Variants in PER2 observed in about 807,000 individuals in gnomAD.
PER2 encodes the protein period circadian protein homolog 2.
A neutral mutation model predicts 121.0 loss-of-function variants in PER2; 66 were observed. That is an observed-to-expected ratio of 0.55 (90% CI 0.45 to 0.67). The LOEUF (loss-of-function observed/expected upper bound fraction) is 0.67, where lower values mean the gene tolerates loss of function less well. Among genes scored for constraint, PER2 ranks in the 30% least tolerant of loss-of-function variants. PER2 has a pLI of 0.00. For missense variants in PER2, 1,521 were observed against 1,635.0 expected (o/e 0.93, Z 1.20); for synonymous variants, 684 against 659.9 (o/e 1.04, Z -0.56).
intron 6 of PER2, among the ~76,000 whole-genome samples, chr2:238,269,440 G>A (rs1033372631): frequency 8.9e-5 from 12 of 135,388 alleles, no homozygotes; most frequent in Non-Finnish European, 1.6e-4. Context: ...CACACTCACG[G>A]TGCACTGCTG....
upstream of PER2, among the ~76,000 whole-genome samples, chr2:238,290,696 A>G (rs1055756654): frequency 1.3e-5 from 2 of 152,014 alleles, no homozygotes; most frequent in African/African-American, 4.8e-5. Flanking sequence ...ATTTGTGTAC[A>G]CTCCACAAAT....
intron 9 of PER2, among the ~76,000 whole-genome samples, chr2:238,264,323 T>A (rs1028485100): frequency 9.9e-5 from 15 of 152,224 alleles, no homozygotes; most frequent in Non-Finnish European, 4.4e-5. Flanking sequence ...TCCAGAAGCC[T>A]GCATCTGCAA....
upstream of PER2, among the ~76,000 whole-genome samples, chr2:238,292,621 A>G (rs1696966990): frequency 6.6e-6 from 1 of 152,064 alleles, no homozygotes; most frequent in Non-Finnish European, 1.5e-5. Flanking sequence ...TTGTTTTTTT[A>G]TAAATGTCCA....
At chr2:238,255,589 A>G (rs1262472268) in intron 18 of PER2, 68 bp downstream of exon 18, 15 of 1,487,288 alleles carry the variant, frequency 1.0e-5, no homozygotes, top group African/African-American at 1.4e-5. Flanking sequence ...TTTTGAAACC[A>G]GCACTGGACT....
chr2:238,261,524 T>G (rs1695931345), intron 12 of PER2: 2 of 615,884 alleles, frequency 3.2e-6, no homozygotes, highest in Non-Finnish European at 5.9e-6. Context: ...CAAGGTCGAA[T>G]GCAAGGCTGG....
At position 238,252,996 on chromosome 2, in the gene PER2, G is replaced by T. The variant is rs765415254; in HGVS notation, c.3027C>A (p.Thr1009=). The T allele has an allele frequency of 4.3e-6, 7 of 1,614,002 alleles. No homozygotes were observed. The East Asian group carries it at 1.6e-4, about 36-fold the overall frequency. The change falls in exon 19 of 23, where the codon ACC becomes ACA. Residue 1009 remains threonine (T), a synonymous_variant. Transcript: ENST00000254657. The surrounding 1 kb of genome is among the most constrained non-coding windows in gnomAD (Gnocchi z 4.2). ...APEGGTGAMG[T]TGATETAAVG... ...CAGCTGCTGTCTCTGTGGCCCCTGT[G>T]GTCCCCATGGCTCCAGTGCCACCCT...
intron 12 of PER2, 53 bp downstream of exon 12, chr2:238,261,676 A>G: frequency 8.7e-7 from 1 of 1,149,814 alleles, no homozygotes; most frequent in Non-Finnish European, 1.3e-6. Context: ...TGTCCTCTGC[A>G]GGGGGCTCTC....
chr2:238,277,566 G>T, intron 2 of PER2, 141 bp downstream of exon 2: 1 of 999,454 alleles, frequency 1.0e-6, no homozygotes, highest in Non-Finnish European at 1.5e-6. Context: ...ACAGACACTG[G>T]CACATTTTAG....
chr2:238,257,037 G>A lies in PER2; in HGVS notation c.1950C>T (p.His650=). The A allele has an allele frequency of 6.2e-7, 1 of 1,613,450 alleles. No individual in the cohort carries two copies. Residue 650 remains histidine (H), a synonymous_variant, in exon 17 of 23, where the codon CAC becomes CAT. Transcript: ENST00000254657. ...TGCCCGGCAGTGCCAGCGAGGTCAG[G>A]TGCGTACCTACTCCCGTGCGGCTGT... ...RVNSRTGVGT[H]LTSLALPGKA... is the part of the protein sequence containing the mutation.
intron 16 of PER2, among the ~76,000 whole-genome samples, chr2:238,257,767 C>T (rs1189722443): frequency 1.3e-5 from 2 of 152,254 alleles, no homozygotes; most frequent in Non-Finnish European, 2.9e-5. Context: ...AGCCACCGCG[C>T]CCAGCCGGGG....
At chr2:238,292,955 C>T (rs1459546167), upstream of PER2, among the ~76,000 whole-genome samples, 3 of 151,504 alleles carry the variant, frequency 2.0e-5, no homozygotes, top group African/African-American at 4.8e-5. Context: ...TCAGGCTGGT[C>T]TCGAACTCCT....
intron 10 of PER2, 95 bp downstream of exon 10, chr2:238,262,857 G>C (rs776828827): frequency 5.9e-6 from 5 of 843,682 alleles, no homozygotes; most frequent in Non-Finnish European, 1.0e-5. Flanking sequence ...TAGCTGATCT[G>C]ACCTGTCAGA....
In PER2 at chr2:238,246,462, A is replaced by G; in HGVS notation, c.3681T>C (p.Ile1227=). The change falls in exon 23 of 23, where the codon ATT becomes ATC. Residue 1227 remains isoleucine (I), a synonymous_variant. Transcript: ENST00000254657. ...ACACTTCGCTGAGTCCCAGAGAAGGAATATCTTCCTCATATGGTATGCAAA... is the reference window on the plus strand; with the variant it reads ...ACACTTCGCTGAGTCCCAGAGAAGGGATATCTTCCTCATATGGTATGCAAA... ...GNICIPYEED[I]PSLGLSEVSD... The G allele has an allele frequency of 1.3e-6, 2 of 1,594,912 alleles. No homozygotes were observed. Among genetic ancestry groups the G allele is most frequent in the South Asian group, 1.1e-5 (1 of 90,642 alleles).
intron 1 of PER2, among the ~76,000 whole-genome samples, chr2:238,282,509 A>C (rs1286864876): frequency 6.6e-6 from 1 of 152,174 alleles, no homozygotes; most frequent in Non-Finnish European, 1.5e-5. Context: ...AATACTATAC[A>C]CCCACTAAAA....
At chr2:238,260,604 T>C (rs919424014) in intron 13 of PER2, among the ~76,000 whole-genome samples, 1 of 152,248 alleles carries the variant, frequency 6.6e-6, no homozygotes, top group African/African-American at 2.4e-5. Flanking sequence ...TTGCTTGTTT[T>C]GTCTGTTTTA....
Position 238,246,306 on chromosome 2 carries a change from A to C in PER2, c.*69T>G. ...TCCATTTCAGTGGAAACAGCCATGA[A>C]GATCTTTCATCTCTTCCAAGCACCA... On this transcript the variant is annotated 3_prime_UTR_variant, in exon 23 of 23. Transcript: ENST00000254657. 8.4e-7 allele frequency: 1 copy of C among 1,184,450 alleles called. No individual in the cohort carries two copies. The highest frequency in any genetic ancestry group is 1.2e-6 in the Non-Finnish European group (1 of 846,622). The allele number at this position is 1,184,450 out of a possible 1,614,324, so 73.4% of individuals were successfully genotyped here. A position where few individuals can be genotyped will look rare whatever the true frequency, so the allele number is the denominator to read the frequency against.
intron 21 of PER2, 125 bp from the exon 22 acceptor site, chr2:238,249,337 T>C (rs1480933220): frequency 1.0e-6 from 1 of 997,614 alleles, no homozygotes; most frequent in East Asian, 2.6e-5. Context: ...TTTAAAAAAA[T>C]TTTCATTTAA....
intron 10 of PER2, 73 bp downstream of exon 10, chr2:238,262,879 C>T (rs1183809707): frequency 1.2e-5 from 12 of 1,035,490 alleles, no homozygotes; most frequent in Non-Finnish European, 1.8e-5. Flanking sequence ...CTAGACTGGT[C>T]CCAAGAAGCA....
At position 238,252,524 on chromosome 2, in the gene PER2, C is replaced by T. The variant is rs534455473; in HGVS notation, c.3111+388G>A. Among the ~76,000 whole-genome samples, 5 of 152,258 alleles carry T rather than the reference C, an allele frequency of 3.3e-5. No homozygotes were observed. Among genetic ancestry groups the T allele is most frequent in the African/African-American group, 4.8e-5 (2 of 41,458 alleles). ...GTGTCCCCCTCCTTCTCCGCCTTCA[C>T]CGGGGCCACCTGAGCCAGGCTCCGG... On this transcript the variant is annotated intron_variant, in intron 19 of 22. Transcript: ENST00000254657. The surrounding 1 kb of genome is among the most constrained non-coding windows in gnomAD (Gnocchi z 4.2).
Sources: allele counts gnomAD v4.1 joint callset (sites outside exome capture counted in the v4.1 genomes callset), GRCh38; gene constraint gnomAD v4.1.1; non-coding constraint Gnocchi (gnomAD v3.1); transcripts MANE v1.5; gene names NCBI Gene and HGNC (gene_info 2026-07-23, HGNC 2026-07-21).